Variants in AADAC observed in about 807,000 individuals in gnomAD.
The protein encoded by AADAC is arylacetamide deacetylase, also known as arylacetamide deacetylase (esterase).
A neutral mutation model predicts 22.7 loss-of-function variants in AADAC; 17 were observed. The ratio of observed to expected loss-of-function variants is 0.75; its 90% CI spans 0.51 to 1.12. The LOEUF (loss-of-function observed/expected upper bound fraction) is 1.12, where lower values mean the gene tolerates loss of function less well. Ranked by LOEUF, AADAC falls within the 50% of genes most tolerant of loss-of-function variation. The pLI, the probability that AADAC is intolerant of heterozygous loss-of-function variation, is 0.00. For synonymous variants in AADAC, 167 were observed against 176.3 expected, an observed-to-expected ratio of 0.95 and a Z score of 0.42; for missense variants, 465 against 473.9, an observed-to-expected ratio of 0.98 and a Z score of 0.17.
intron 3 of AADAC, among the ~76,000 whole-genome samples, chr3:151,821,700 T>C (rs1716261816): frequency 6.6e-6 from 1 of 151,954 alleles, no homozygotes; most frequent in Non-Finnish European, 1.5e-5. Context: ...AGTCAAATTA[T>C]AGTATAAGAC....
rs138666667 is a variant in AADAC at position 151,820,611 on chromosome 3, G to A, written c.431+159G>A. Among the ~76,000 whole-genome samples the A allele has an allele frequency of 7.1e-3, 1,001 of 141,464 alleles. 17 individuals are homozygous for A. Among genetic ancestry groups the A allele is most frequent in the East Asian group, 0.014 (71 of 4,916 alleles). 92.8% of individuals were successfully genotyped at this position (141,464 alleles called of 152,430 possible). A position where few individuals can be genotyped will look rare whatever the true frequency, so the allele number is the denominator to read the frequency against. On this transcript the variant is annotated intron_variant, in intron 3 of 4. Transcript: ENST00000232892. ...CGGCTCCCTGCAACCTCCTCCTCCCGGGTTCAAGTGATTCTCATACCTCAG... is the reference window on the plus strand; with the variant it reads ...CGGCTCCCTGCAACCTCCTCCTCCCAGGTTCAAGTGATTCTCATACCTCAG...
chr3:151,823,019 C>A (rs1174447524), intron 3 of AADAC, among the ~76,000 whole-genome samples: 1 of 151,882 alleles, frequency 6.6e-6, no homozygotes, highest in Non-Finnish European at 1.5e-5. Flanking sequence ...GTGGCTCATG[C>A]CTGTAATCCC....
intron 3 of AADAC, among the ~76,000 whole-genome samples, chr3:151,823,734 T>C (rs1415717473): frequency 6.6e-6 from 1 of 151,966 alleles, no homozygotes; most frequent in Admixed American, 6.6e-5. Context: ...CATATATGCA[T>C]ACCTCTGTTA....
In AADAC at chr3:151,827,861, T is replaced by A; in HGVS notation, c.889T>A (p.Tyr297Asn). The A allele has an allele frequency of 6.2e-7, 1 of 1,613,012 alleles. No homozygotes were observed. Among genetic ancestry groups the A allele is most frequent in the Non-Finnish European group, 8.5e-7 (1 of 1,179,520 alleles). The change falls in exon 5 of 5, where the codon TAT becomes AAT. Residue 297 changes from tyrosine (Y) to asparagine (N), a missense_variant. Physicochemically the swap from Tyr to Asn is moderately radical, Grantham distance 143. Coordinates refer to ENST00000232892, the MANE Select transcript of AADAC (RefSeq NM_001086.3). ...LPERFIKGHV[Y>N]NNPNYGSSEL... ...TGAGAGGTTTATAAAAGGACATGTT[T>A]ATAACAATCCAAATTATGGCAGTTC...
chr3:151,828,035 C>T lies in AADAC; in HGVS notation c.1063C>T (p.Arg355Ter), dbSNP rs781479499. ...AGATGATGGACTCATGTATGTCACC[C>T]GACTTCGCAACACTGGGGTTCAGGT... ...LRDDGLMYVT[R>*]LRNTGVQVTH... Residue 355 changes from arginine to a stop codon, truncating the protein, a stop_gained, in exon 5 of 5, where the codon CGA (arginine) becomes TGA (stop). Transcript: ENST00000232892. LOFTEE classifies it low-confidence loss of function (END_TRUNC). 23 of 1,613,082 alleles carry T rather than the reference C, an allele frequency of 1.4e-5. No homozygotes were observed. The highest frequency in any genetic ancestry group is 4.0e-5 in the African/African-American group (3 of 74,812).
intron 2 of AADAC, among the ~76,000 whole-genome samples, chr3:151,819,316 C>A (rs3821470): frequency 0.16 from 24,846 of 151,800 alleles, 2,325 homozygotes; most frequent in African/African-American, 0.21. Context: ...AGTCCTGCAT[C>A]GTGTAGAGAT....
intron 1 of AADAC, 46 bp downstream of exon 1, chr3:151,814,346 T>C: frequency 6.5e-7 from 1 of 1,542,372 alleles, no homozygotes; most frequent in Non-Finnish European, 8.7e-7. Flanking sequence ...CACCACCATT[T>C]GACCCAGAGA....
Position 151,828,225 on chromosome 3 carries a change from A to C in AADAC, c.*53A>C. 1 of 1,202,042 alleles carries C rather than the reference A, an allele frequency of 8.3e-7. No homozygotes were observed. The highest frequency in any genetic ancestry group is 2.6e-5 in the East Asian group (1 of 38,110). 74.5% of individuals were successfully genotyped at this position (1,202,042 alleles called of 1,614,324 possible). A position where few individuals can be genotyped will look rare whatever the true frequency, so the allele number is the denominator to read the frequency against. On this transcript the variant is annotated 3_prime_UTR_variant, in exon 5 of 5. Coordinates refer to ENST00000232892, the MANE Select transcript of AADAC (RefSeq NM_001086.3). ...AAAATAAAATCTGAAAACCTCAGAA[A>C]ATTTGCATTAGAAATTGGTCTTTCT...
chr3:151,824,532 T>C (rs1367418112), intron 3 of AADAC, 131 bp from the exon 4 acceptor site: 5 of 557,938 alleles, frequency 9.0e-6, no homozygotes, highest in Non-Finnish European at 1.4e-5. Context: ...TATATACTTA[T>C]GTGCACCTCC....
Position 151,828,216 on chromosome 3 carries a change from AC to A in AADAC, c.*46del, listed in dbSNP as rs1201397286. 1 of 1,270,844 alleles carries A rather than the reference AC, an allele frequency of 7.9e-7. No homozygotes were observed. Among genetic ancestry groups the A allele is most frequent in the African/African-American group, 1.5e-5 (1 of 65,884 alleles). 78.7% of individuals were successfully genotyped at this position (1,270,844 alleles called of 1,614,324 possible). Reference sequence around the variant, plus strand: ...CATATTTTAAAAATAAAATCTGAAAACCTCAGAAAATTTGCATTAGAAATTG... The same window carrying A: ...CATATTTTAAAAATAAAATCTGAAAACTCAGAAAATTTGCATTAGAAATTG... On this transcript the variant is annotated 3_prime_UTR_variant, in exon 5 of 5. Coordinates refer to ENST00000232892, the MANE Select transcript of AADAC (RefSeq NM_001086.3).
chr3:151,815,403 G>C (rs141859353), intron 1 of AADAC, among the ~76,000 whole-genome samples: 91 of 152,158 alleles, frequency 6.0e-4, no homozygotes, highest in African/African-American at 2.1e-3. Context: ...GTTTAATGGG[G>C]AAATTGTTGC....
chr3:151,817,105 A>G (rs1455687456), intron 1 of AADAC, among the ~76,000 whole-genome samples: 1 of 152,036 alleles, frequency 6.6e-6, no homozygotes, highest in African/African-American at 2.4e-5. Context: ...CTGAAAAGCT[A>G]CCTTGCATTA....
Position 151,817,100 on chromosome 3 carries a change from A to T in AADAC, c.139-266A>T, listed in dbSNP as rs74969742. Among the ~76,000 whole-genome samples, 1,299 of 152,206 alleles carry T rather than the reference A, an allele frequency of 8.5e-3. 25 individuals carry two copies. The highest frequency in any genetic ancestry group is 0.03 in the African/African-American group (1,241 of 41,558). On this transcript the variant is annotated intron_variant, in intron 1 of 4. Transcript: ENST00000232892. ...ATCTTGTATTTCCAGCCCTTCTGAA[A>T]AGCTACCTTGCATTATGTCAAGGAG...
intron 3 of AADAC, among the ~76,000 whole-genome samples, chr3:151,822,935 C>T (rs1251709865): frequency 6.6e-6 from 1 of 151,718 alleles, no homozygotes; most frequent in Non-Finnish European, 1.5e-5. Flanking sequence ...TAAGGGCATA[C>T]TTTTAATGTG....
At chr3:151,815,666 A>G (rs8193025) in intron 1 of AADAC, among the ~76,000 whole-genome samples, 24,952 of 151,830 alleles carry the variant, frequency 0.16, 2,363 homozygotes, top group African/African-American at 0.21. Context: ...CTTTTAATTA[A>G]TTAATTCATT....
intron 3 of AADAC, among the ~76,000 whole-genome samples, chr3:151,822,406 T>C (rs1716288483): frequency 6.6e-6 from 1 of 152,062 alleles, no homozygotes; most frequent in African/African-American, 2.4e-5. Flanking sequence ...CAATGTTCAT[T>C]AACTGATAAA....
intron 3 of AADAC, among the ~76,000 whole-genome samples, chr3:151,821,128 T>A (rs564180728): frequency 3.3e-5 from 5 of 151,972 alleles, no homozygotes; most frequent in South Asian, 2.1e-4. Context: ...TAAAAGTGCA[T>A]CATAAATAAT....
chr3:151,814,301 G>T lies in AADAC; in HGVS notation c.138+1G>T. The T allele has an allele frequency of 6.2e-7, 1 of 1,609,656 alleles. No homozygotes were observed. On this transcript the variant is annotated splice_donor_variant, in intron 1 of 4. Transcript: ENST00000232892. LOFTEE classifies it high-confidence loss of function. ...ACATCTGAAAACTATACAAAATTTG[G>T]TAAGTTTGGAATTTTATGAATTCAG...
chr3:151,828,244 T>A lies in AADAC; in HGVS notation c.*72T>A. 5 of 1,058,952 alleles carry A rather than the reference T, an allele frequency of 4.7e-6. No individual in the cohort carries two copies. The South Asian group carries it at 1.1e-4, about 23-fold the overall frequency. The allele number at this position is 1,058,952 out of a possible 1,614,324, so 65.6% of individuals were successfully genotyped here. The stretch of plus-strand genomic sequence containing the variant: ...TCAGAAAATTTGCATTAGAAATTGG[T>A]CTTTCTTAGAATGGTCTAGTTAAGT... On this transcript the variant is annotated 3_prime_UTR_variant, in exon 5 of 5. Coordinates refer to ENST00000232892, the MANE Select transcript of AADAC (RefSeq NM_001086.3).
Sources: allele counts gnomAD v4.1 joint callset (sites outside exome capture counted in the v4.1 genomes callset), GRCh38; gene constraint gnomAD v4.1.1; transcripts MANE v1.5; gene names NCBI Gene and HGNC (gene_info 2026-07-23, HGNC 2026-07-21).